The following GALNT13 variants were observed in gnomAD, a reference collection of about 807,000 sequenced individuals.
The protein encoded by GALNT13 is UDP-GalNAc:polypeptide N-acetylgalactosaminyltransferase 13.
Under a neutral mutation model 64.2 loss-of-function variants are expected in GALNT13, and 28 were observed. That is an observed-to-expected ratio of 0.44 (90% CI 0.32 to 0.60). GALNT13 has a LOEUF of 0.60. Among genes scored for constraint, GALNT13 ranks in the 20% least tolerant of loss-of-function variants. The pLI is 0.05. For synonymous variants in GALNT13, 214 were observed against 224.6 expected (o/e 0.95, Z 0.42); for missense variants, 577 against 669.8 (o/e 0.86, Z 1.53).
chr2:153,359,289 T>G, the GALNT13 span, among the ~76,000 whole-genome samples: 3 of 152,226 alleles, frequency 2.0e-5, no homozygotes, highest in African/African-American at 7.2e-5. Flanking sequence ...TTATTTTATT[T>G]TACCAAATCA....
chr2:153,073,296 A>G, the GALNT13 span, among the ~76,000 whole-genome samples: 1 of 152,074 alleles, frequency 6.6e-6, no homozygotes, highest in Non-Finnish European at 1.5e-5. Flanking sequence ...CTGAATAAAA[A>G]TAAATATCTA....
At chr2:153,806,340 T>C in the GALNT13 span, among the ~76,000 whole-genome samples, 1 of 152,160 alleles carries the variant, frequency 6.6e-6, no homozygotes, top group Non-Finnish European at 1.5e-5. Flanking sequence ...TTGACTTAAA[T>C]CCATTACTAT....
At chr2:153,461,691 T>A in the GALNT13 span, among the ~76,000 whole-genome samples, 4 of 152,096 alleles carry the variant, frequency 2.6e-5, no homozygotes. Flanking sequence ...AACTTAATAC[T>A]GGGAGTCATC....
At chr2:153,550,859 T>C in the GALNT13 span, among the ~76,000 whole-genome samples, 1 of 152,178 alleles carries the variant, frequency 6.6e-6, no homozygotes, top group Non-Finnish European at 1.5e-5. Flanking sequence ...TTCTAGACAT[T>C]GGTGACACAG....
At chr2:154,139,096 G>A (rs1242735999) in intron 3 of GALNT13, among the ~76,000 whole-genome samples, 1 of 151,786 alleles carries the variant, frequency 6.6e-6, no homozygotes, top group Non-Finnish European at 1.5e-5. Context: ...CATATCTAAA[G>A]GTCCTTAGAG....
chr2:154,091,637 A>G (rs1701815172), intron 3 of GALNT13, among the ~76,000 whole-genome samples: 1 of 151,894 alleles, frequency 6.6e-6, no homozygotes, highest in African/African-American at 2.4e-5. Context: ...CAAATTGTTT[A>G]TGTCATTTTC....
At chr2:153,623,695 A>C in the GALNT13 span, among the ~76,000 whole-genome samples, 1 of 151,986 alleles carries the variant, frequency 6.6e-6, no homozygotes, top group African/African-American at 2.4e-5. Flanking sequence ...CAGTTTATTT[A>C]AAATTTTTAG....
At chr2:153,856,467 A>T in the GALNT13 span, among the ~76,000 whole-genome samples, 2 of 152,174 alleles carry the variant, frequency 1.3e-5, no homozygotes, top group Admixed American at 1.3e-4. Context: ...CGTGGATCTA[A>T]GGTTTGAATG....
At chr2:153,432,719 G>A in the GALNT13 span, among the ~76,000 whole-genome samples, 1 of 151,780 alleles carries the variant, frequency 6.6e-6, no homozygotes, top group African/African-American at 2.4e-5. Context: ...TGGCTGGGGG[G>A]TGGGGAGGTG....
the GALNT13 span, among the ~76,000 whole-genome samples, chr2:153,746,253 A>G: frequency 1.3e-5 from 2 of 152,154 alleles, no homozygotes; most frequent in African/African-American, 2.4e-5. Flanking sequence ...AAAAATACCA[A>G]ATAATACCAG....
chr2:154,375,270 G>GTGATGCTTGGATGCTCA lies in GALNT13; in HGVS notation c.1157-20721_1157-20720insTGATGCTTGGATGCTCA, dbSNP rs1376902740. Among the ~76,000 whole-genome samples, 917 of 152,206 alleles carry GTGATGCTTGGATGCTCA rather than the reference G, an allele frequency of 6.0e-3. 4 individuals carry two copies. Among genetic ancestry groups the GTGATGCTTGGATGCTCA allele is most frequent in the Middle Eastern group, 0.02 (6 of 294 alleles). ...CCCAAAGTGCTGAGATCACAGGCTT[G>GTGATGCTTGGATGCTCA]AGCCACCGCATCCAGCCAGAAAAAA... is the stretch of plus-strand genomic sequence containing the variant. On this transcript the variant is annotated intron_variant, in intron 9 of 12. Transcript: ENST00000392825.
chr2:153,964,512 A>C (rs369119082), intron 3 of GALNT13, among the ~76,000 whole-genome samples: 16 of 152,306 alleles, frequency 1.1e-4, no homozygotes, highest in African/African-American at 3.6e-4. Flanking sequence ...TTTCTCTGTT[A>C]CTAATATGAA....
intron 8 of GALNT13, among the ~76,000 whole-genome samples, chr2:154,299,006 A>C (rs1693261207): frequency 6.9e-6 from 1 of 145,910 alleles, no homozygotes. Context: ...CGTAACAAAA[A>C]TATAAAATAT....
chr2:154,166,093 A>T (rs1427412815), intron 4 of GALNT13, among the ~76,000 whole-genome samples: 2 of 152,138 alleles, frequency 1.3e-5, no homozygotes, highest in Admixed American at 1.3e-4. Context: ...GTCTAGAGGA[A>T]CTCAATTCAG....
At chr2:153,733,932 G>T in the GALNT13 span, among the ~76,000 whole-genome samples, 2 of 152,046 alleles carry the variant, frequency 1.3e-5, no homozygotes, top group Non-Finnish European at 2.9e-5. Flanking sequence ...TGCTGAATTC[G>T]TCTTAGAGCC....
intron 3 of GALNT13, among the ~76,000 whole-genome samples, chr2:153,991,024 G>T (rs1256947999): frequency 6.6e-6 from 1 of 152,142 alleles, no homozygotes; most frequent in African/African-American, 2.4e-5. Flanking sequence ...AATCTCTGGG[G>T]ACATATGTTC....
At chr2:153,243,862 T>G in the GALNT13 span, among the ~76,000 whole-genome samples, 1 of 151,906 alleles carries the variant, frequency 6.6e-6, no homozygotes, top group Admixed American at 6.6e-5. Flanking sequence ...AATAACAGGG[T>G]TTTCTTAGAA....
At chr2:153,770,950 C>T in the GALNT13 span, among the ~76,000 whole-genome samples, 6 of 152,162 alleles carry the variant, frequency 3.9e-5, no homozygotes, top group Non-Finnish European at 8.8e-5. Flanking sequence ...GCCCTAAGTT[C>T]TCTGCATGGG....
At chr2:154,240,852 G>A (rs972287051) in intron 4 of GALNT13, among the ~76,000 whole-genome samples, 1 of 152,126 alleles carries the variant, frequency 6.6e-6, no homozygotes, top group African/African-American at 2.4e-5. Context: ...AGGTTTTATT[G>A]AGTGGAGGTA....
Sources: gnomAD v4.1 joint callset for allele counts (sites outside exome capture counted in the v4.1 genomes callset) on GRCh38, gnomAD v4.1.1 for gene constraint, MANE v1.5 for transcripts, NCBI Gene and HGNC (gene_info 2026-07-23, HGNC 2026-07-21) for gene names.